The following CPD variants were observed in gnomAD, a reference collection of about 807,000 sequenced individuals.
The protein encoded by CPD is metallocarboxypeptidase D.
CPD carries 69 observed loss-of-function variants against 138.3 expected under a neutral mutation model. That is an observed-to-expected ratio of 0.50 (90% CI 0.41 to 0.61). CPD has a LOEUF of 0.61. Among genes scored for constraint, CPD ranks in the 20% least tolerant of loss-of-function variants. CPD has a pLI of 0.00. For synonymous variants in CPD, 651 were observed against 642.1 expected, an observed-to-expected ratio of 1.01 and a Z score of -0.21; for missense variants, 1,432 against 1,733.3, an observed-to-expected ratio of 0.83 and a Z score of 3.09.
intron 2 of CPD, among the ~76,000 whole-genome samples, chr17:30,407,042 C>A (rs1911820098): frequency 6.6e-6 from 1 of 152,126 alleles, no homozygotes; most frequent in African/African-American, 2.4e-5. Flanking sequence ...TCAATTCCCA[C>A]CTATGAGTGA....
At chr17:30,422,644 A>C (rs779548931) in intron 4 of CPD, 30 bp from the exon 5 acceptor site, 5 of 1,459,860 alleles carry the variant, frequency 3.4e-6, no homozygotes, top group Non-Finnish European at 3.8e-6. Context: ...TTAACTATAA[A>C]CCATTTACTT....
rs1404157911 is a variant in CPD at position 30,379,417 on chromosome 17, G to A, written c.437G>A (p.Arg146His). 1 of 1,560,480 alleles carries A rather than the reference G, an allele frequency of 6.4e-7. No individual in the cohort carries two copies. The highest frequency in any genetic ancestry group is 8.6e-7 in the Non-Finnish European group (1 of 1,162,390). Residue 146 changes from arginine (R) to histidine (H), a missense_variant, in exon 1 of 21, where the codon CGC becomes CAC. Transcript: ENST00000225719. The surrounding 1 kb of genome is among the most constrained non-coding windows in gnomAD (Gnocchi z 7.0). ...GNMHGDETVS[R>H]QVLIYLAREL... ...ATGCATGGCGACGAGACCGTGTCGC[G>A]CCAGGTGTTGATCTACTTGGCCCGC...
chr17:30,388,738 T>C (rs949938664), intron 2 of CPD, among the ~76,000 whole-genome samples: 1 of 152,160 alleles, frequency 6.6e-6, no homozygotes, highest in Admixed American at 6.5e-5. Context: ...GGGTGGCTCC[T>C]AATCCTCGCT....
chr17:30,418,299 A>G (rs1193929207), intron 2 of CPD, among the ~76,000 whole-genome samples: 5 of 151,574 alleles, frequency 3.3e-5, no homozygotes, highest in African/African-American at 7.3e-5. Context: ...TCCCACCTCA[A>G]CCTCCTGAGT....
intron 8 of CPD, among the ~76,000 whole-genome samples, chr17:30,437,965 G>A (rs1351187788): frequency 6.7e-6 from 1 of 150,002 alleles, no homozygotes; most frequent in Non-Finnish European, 1.5e-5. Flanking sequence ...GCCTCCCAAG[G>A]AGCTGGTTCT....
intron 2 of CPD, among the ~76,000 whole-genome samples, chr17:30,396,896 T>G (rs1024255006): frequency 6.6e-6 from 1 of 152,074 alleles, no homozygotes; most frequent in Non-Finnish European, 1.5e-5. Flanking sequence ...TTCATACGTA[T>G]TCTTTCCTAA....
chr17:30,420,249 G>T (rs543716082), intron 2 of CPD, among the ~76,000 whole-genome samples: 1 of 152,064 alleles, frequency 6.6e-6, no homozygotes, highest in African/African-American at 2.4e-5. Flanking sequence ...CCCCTGATTT[G>T]TGTAGCTGTG....
chr17:30,445,685 T>C lies in CPD; in HGVS notation c.2544-6T>C, dbSNP rs542124894. The C allele has an allele frequency of 1.7e-5, 27 of 1,581,554 alleles. No individual in the cohort carries two copies. The South Asian group carries it at 2.8e-4, about 16-fold the overall frequency. On this transcript the variant is annotated splice_region_variant and splice_polypyrimidine_tract_variant and intron_variant, in intron 11 of 20. Transcript: ENST00000225719. ...GTGTGGTTCTGATCTGTCTCCTTTA[T>C]CATAGGTATAATCCAGTTACCAAGA...
At position 30,385,046 on chromosome 17, in the gene CPD, T is replaced by A; in HGVS notation, c.804T>A (p.Asp268Glu). 6.2e-7 allele frequency: 1 copy of A among 1,614,130 alleles called. No individual in the cohort carries two copies. Among genetic ancestry groups the A allele is most frequent in the Non-Finnish European group, 8.5e-7 (1 of 1,179,972 alleles). The stretch of plus-strand genomic sequence containing the variant: ...CAGTGGTAGCAAGCTATCCTTTTGA[T>A]GATTCTCCAGAACATAAGGCCACTG... ...GGSVVASYPF[D>E]DSPEHKATGI... The change falls in exon 2 of 21, where the codon GAT becomes GAA. Residue 268 changes from aspartate to glutamate, a missense_variant. By Grantham distance (45) the Asp-to-Glu change is conservative (BLOSUM62 2). Coordinates refer to ENST00000225719, the MANE Select transcript of CPD (RefSeq NM_001304.5).
In CPD at chr17:30,462,429, GAT is replaced by G. The variant is rs776938880; in HGVS notation, c.3879_3880del (p.Phe1294TrpfsTer34). The G allele has an allele frequency of 1.2e-6, 2 of 1,613,946 alleles. No individual in the cohort carries two copies. The highest frequency in any genetic ancestry group is 4.5e-5 in the East Asian group (2 of 44,866). ...VVIVFDTDNR[I>X]FGLPRELVVT... The stretch of plus-strand genomic sequence containing the variant: ...TGATAGTCTTTGACACAGATAACCG[GAT>G]ATTTGGTTTGCCAAGGGAGCTTGTG... On this transcript the variant is annotated frameshift_variant, in exon 20 of 21. Coordinates refer to ENST00000225719, the MANE Select transcript of CPD (RefSeq NM_001304.5). LOFTEE classifies it high-confidence loss of function.
Position 30,422,740 on chromosome 17 carries a change from T to A in CPD, c.1374T>A (p.Ser458=). ...KEGPATEVDF[S]LRPTVTSVIP... is the part of the protein sequence containing the mutation. ...GACCAGCCACAGAGGTGGATTTTTC[T>A]CTTAGGCCAACTGTAACTTCAGTAA... Residue 458 remains serine, a synonymous_variant, in exon 5 of 21, where the codon TCT becomes TCA. Coordinates refer to ENST00000225719, the MANE Select transcript of CPD (RefSeq NM_001304.5). The A allele has an allele frequency of 6.2e-7, 1 of 1,614,088 alleles. No homozygotes were observed. Among genetic ancestry groups the A allele is most frequent in the Non-Finnish European group, 8.5e-7 (1 of 1,179,970 alleles).
At chr17:30,463,835 G>T (rs1302618950) in intron 20 of CPD, among the ~76,000 whole-genome samples, 2 of 152,142 alleles carry the variant, frequency 1.3e-5, no homozygotes, top group East Asian at 3.8e-4. Context: ...AACACAGGAG[G>T]TAGAATTCAG....
chr17:30,444,685 G>A (rs733575), intron 11 of CPD, among the ~76,000 whole-genome samples: 67,187 of 151,638 alleles, frequency 0.44, 15,601 homozygotes, highest in East Asian at 0.82. Flanking sequence ...CACCACACCC[G>A]ACTAATTTTT....
At position 30,387,274 on chromosome 17, in the gene CPD, G is replaced by T. The variant is rs559754138; in HGVS notation, c.994+2038G>T. Among the ~76,000 whole-genome samples, 377 of 152,054 alleles carry T rather than the reference G, an allele frequency of 2.5e-3. 1 individual carries two copies. The highest frequency in any genetic ancestry group is 8.7e-3 in the African/African-American group (360 of 41,500). On this transcript the variant is annotated intron_variant, in intron 2 of 20. Transcript: ENST00000225719. ...CTGGGATTACAGGTGCCTGCCACCAGGCCCAGCTAATTTTTTGTATTTTTA... is the reference window on the plus strand; with the variant it reads ...CTGGGATTACAGGTGCCTGCCACCATGCCCAGCTAATTTTTTGTATTTTTA...
chr17:30,406,758 T>A (rs1429899890), intron 2 of CPD, among the ~76,000 whole-genome samples: 1 of 152,126 alleles, frequency 6.6e-6, no homozygotes, highest in Non-Finnish European at 1.5e-5. Flanking sequence ...ATTTTACATA[T>A]GCAAAAAAAC....
intron 2 of CPD, among the ~76,000 whole-genome samples, chr17:30,393,229 G>A (rs1460841431): frequency 6.6e-6 from 1 of 152,196 alleles, no homozygotes; most frequent in African/African-American, 2.4e-5. Flanking sequence ...AGGTCAGACT[G>A]AGCAGTAGCA....
chr17:30,399,463 A>C (rs1911595136), intron 2 of CPD, among the ~76,000 whole-genome samples: 1 of 152,038 alleles, frequency 6.6e-6, no homozygotes, highest in African/African-American at 2.4e-5. Context: ...TAGTTCTATA[A>C]ATTTTTGTTT....
intron 13 of CPD, among the ~76,000 whole-genome samples, chr17:30,451,335 G>A (rs1237476552): frequency 1.3e-5 from 2 of 152,298 alleles, no homozygotes; most frequent in Admixed American, 1.3e-4. Context: ...CAGGTGCTCT[G>A]TGTTGCGAAC....
chr17:30,401,429 CTCTTCTTCTTCCTCATCTTCTTCT>C (rs1911666651), intron 2 of CPD, among the ~76,000 whole-genome samples: 2 of 143,036 alleles, frequency 1.4e-5, no homozygotes, highest in Admixed American at 7.2e-5. Flanking sequence ...CCTCCTCTTC[CTCTTCTTCTTCCTCATCTTCTTCT>C]TCTTCTTCCT....
Sources: gnomAD v4.1 joint callset for allele counts (sites outside exome capture counted in the v4.1 genomes callset) on GRCh38, gnomAD v4.1.1 for gene constraint, Gnocchi (gnomAD v3.1) non-coding constraint, MANE v1.5 for transcripts, NCBI Gene and HGNC (gene_info 2026-07-23, HGNC 2026-07-21) for gene names.